The following CTNNA3 variants were observed in gnomAD, a reference collection of about 807,000 sequenced individuals.
The protein encoded by CTNNA3 is catenin alpha 3, also known as catenin alpha-3.
A neutral mutation model predicts 95.7 loss-of-function variants in CTNNA3; 76 were observed. The ratio of observed to expected loss-of-function variants is 0.79; its 90% CI spans 0.66 to 0.96. CTNNA3 has a LOEUF of 0.96. CTNNA3 is among the 40% of genes least tolerant of loss of function. CTNNA3 has a pLI of 0.00. For missense variants in CTNNA3, 1,191 were observed against 1,089.8 expected (o/e 1.09, Z -1.31); for synonymous variants, 431 against 374.4 (o/e 1.15, Z -1.74).
chr10:66,276,875 T>C (rs2091409523), intron 13 of CTNNA3, among the ~76,000 whole-genome samples: 2 of 152,092 alleles, frequency 1.3e-5, no homozygotes, highest in African/African-American at 4.8e-5. Flanking sequence ...TAATAATCTT[T>C]TGAAGTAGGT....
At chr10:67,083,690 A>G (rs529404378) in intron 7 of CTNNA3, among the ~76,000 whole-genome samples, 28 of 152,264 alleles carry the variant, frequency 1.8e-4, no homozygotes, top group African/African-American at 6.7e-4. Context: ...CCTATCAATA[A>G]TACATATATG....
chr10:66,028,412 G>T (rs1005688153), intron 15 of CTNNA3, among the ~76,000 whole-genome samples: 6 of 152,158 alleles, frequency 3.9e-5, no homozygotes, highest in Admixed American at 6.5e-5. Context: ...ATACTATGCA[G>T]CCATAAAAAA....
intron 7 of CTNNA3, among the ~76,000 whole-genome samples, chr10:67,128,522 G>C (rs1342377692): frequency 6.6e-6 from 1 of 151,820 alleles, no homozygotes; most frequent in Admixed American, 6.6e-5. Context: ...TCGATCACAA[G>C]CACTTTGCAG....
intron 11 of CTNNA3, among the ~76,000 whole-genome samples, chr10:66,426,854 C>T (rs1589233025): frequency 1.3e-5 from 2 of 151,916 alleles, no homozygotes; most frequent in African/African-American, 4.8e-5. Context: ...TCCTTTGATA[C>T]ATGTTATAAT....
At chr10:67,625,408 A>G in intron 2 of CTNNA3, among the ~76,000 whole-genome samples, 1 of 152,162 alleles carries the variant, frequency 6.6e-6, no homozygotes, top group Non-Finnish European at 1.5e-5. Context: ...CTGAAAGTGA[A>G]TTTTGAGGGG....
intron 7 of CTNNA3, among the ~76,000 whole-genome samples, chr10:66,786,392 C>T (rs928733763): frequency 6.6e-6 from 1 of 152,182 alleles, no homozygotes; most frequent in African/African-American, 2.4e-5. Flanking sequence ...TTGCTTCTAC[C>T]CCAGAAAAGG....
chr10:66,077,582 A>T (rs2080593312), intron 14 of CTNNA3, among the ~76,000 whole-genome samples: 1 of 151,844 alleles, frequency 6.6e-6, no homozygotes, highest in African/African-American at 2.4e-5. Context: ...CTTCACATAG[A>T]TAAATTTCAT....
At chr10:67,188,847 T>C (rs901498929) in intron 6 of CTNNA3, among the ~76,000 whole-genome samples, 1 of 152,128 alleles carries the variant, frequency 6.6e-6, no homozygotes, top group Non-Finnish European at 1.5e-5. Context: ...CAACGAGTCA[T>C]GCCTATAATT....
intron 1 of CTNNA3, among the ~76,000 whole-genome samples, chr10:67,684,044 G>A (rs1840680794): frequency 6.6e-6 from 1 of 152,214 alleles, no homozygotes; most frequent in African/African-American, 2.4e-5. Flanking sequence ...CATGGAAGGG[G>A]ACCTGAGCGG....
chr10:67,107,483 T>G (rs573976054), intron 7 of CTNNA3, among the ~76,000 whole-genome samples: 7 of 152,350 alleles, frequency 4.6e-5, no homozygotes, highest in African/African-American at 1.7e-4. Context: ...AAACAACTTT[T>G]TAGAAGCTAA....
At chr10:66,976,861 C>G (rs1286298341) in intron 7 of CTNNA3, among the ~76,000 whole-genome samples, 1 of 152,028 alleles carries the variant, frequency 6.6e-6, no homozygotes, top group Admixed American at 6.6e-5. Context: ...TGTTTTTGCT[C>G]TTGTTTTTGT....
intron 10 of CTNNA3, among the ~76,000 whole-genome samples, chr10:66,534,769 G>T (rs1841594370): frequency 1.3e-5 from 2 of 150,540 alleles, no homozygotes; most frequent in South Asian, 4.2e-4. Context: ...GGAGTGATTA[G>T]AAAACATAAA....
chr10:66,037,400 C>A (rs1341680902), intron 15 of CTNNA3, among the ~76,000 whole-genome samples: 1 of 152,100 alleles, frequency 6.6e-6, no homozygotes, highest in Non-Finnish European at 1.5e-5. Context: ...TGACAAGTCT[C>A]TTTAATTAGT....
chr10:67,684,924 C>T (rs1436413741), intron 1 of CTNNA3, among the ~76,000 whole-genome samples: 2 of 152,198 alleles, frequency 1.3e-5, no homozygotes, highest in Non-Finnish European at 2.9e-5. Flanking sequence ...AAGCCTTTTC[C>T]TGTAAACGCT....
At chr10:67,165,831 C>A (rs1861743551) in intron 7 of CTNNA3, among the ~76,000 whole-genome samples, 1 of 151,976 alleles carries the variant, frequency 6.6e-6, no homozygotes, top group South Asian at 2.1e-4. Context: ...AAGTCAGAAA[C>A]TAAATAAAAT....
chr10:67,761,905 G>A (rs1260782735), intron 1 of CTNNA3, among the ~76,000 whole-genome samples: 1 of 151,750 alleles, frequency 6.6e-6, no homozygotes. Flanking sequence ...GAAACAGGGA[G>A]TGGCAGGGAG....
At chr10:66,309,407 T>G (rs1267316349) in intron 12 of CTNNA3, among the ~76,000 whole-genome samples, 3 of 152,020 alleles carry the variant, frequency 2.0e-5, no homozygotes, top group Non-Finnish European at 4.4e-5. Context: ...AAGGCTAGAT[T>G]CCGGGCCGGG....
intron 12 of CTNNA3, among the ~76,000 whole-genome samples, chr10:66,364,725 G>T (rs1442843137): frequency 1.3e-5 from 2 of 152,048 alleles, no homozygotes; most frequent in East Asian, 3.9e-4. Flanking sequence ...CAGATATGGG[G>T]CCCATAGAGT....
intron 5 of CTNNA3, among the ~76,000 whole-genome samples, chr10:67,321,782 C>G (rs1470704701): frequency 6.6e-6 from 1 of 152,232 alleles, no homozygotes; most frequent in Admixed American, 6.5e-5. Context: ...TTTTGGATGT[C>G]TCACAGGCAT....
Sources: gnomAD v4.1 joint callset for allele counts (sites outside exome capture counted in the v4.1 genomes callset) on GRCh38, gnomAD v4.1.1 for gene constraint, MANE v1.5 for transcripts, NCBI Gene and HGNC (gene_info 2026-07-23, HGNC 2026-07-21) for gene names.